HMCN2: variants seen among roughly 807,000 people sequenced by gnomAD.
HMCN2 encodes the protein hemicentin 2.
A neutral mutation model predicts 377.5 loss-of-function variants in HMCN2; 325 were observed. The ratio of observed to expected loss-of-function variants is 0.86; its 90% CI spans 0.79 to 0.94. The LOEUF is 0.94. Ranked by LOEUF, HMCN2 falls within the 40% of genes least tolerant of loss-of-function variation. The pLI is 0.00. For missense variants in HMCN2, 4,543 were observed against 4,725.3 expected (o/e 0.96, Z 1.13); for synonymous variants, 2,007 against 2,046.8 (o/e 0.98, Z 0.53).
At chr9:130,318,894 T>TC (rs1320462877) in intron 15 of HMCN2, among the ~76,000 whole-genome samples, 3 of 151,974 alleles carry the variant, frequency 2.0e-5, no homozygotes, top group Non-Finnish European at 2.9e-5. Flanking sequence ...AGACCTATAA[T>TC]CCCCCCCGAC....
At chr9:130,352,431 G>A (rs1839781187) in intron 30 of HMCN2, among the ~76,000 whole-genome samples, 1 of 152,226 alleles carries the variant, frequency 6.6e-6, no homozygotes, top group African/African-American at 2.4e-5. Flanking sequence ...AGCACCAAAC[G>A]GAGCCTTTCC....
At chr9:130,431,205 C>G in intron 95 of HMCN2, 162 bp from the exon 96 acceptor site, 1 of 702,778 alleles carries the variant, frequency 1.4e-6, no homozygotes, top group Non-Finnish European at 2.3e-6. Context: ...AGCACAGGGA[C>G]TCCCCCAACC....
intron 29 of HMCN2, among the ~76,000 whole-genome samples, chr9:130,349,888 CTTTTTT>C (rs760662723): frequency 1.1e-5 from 1 of 91,306 alleles, no homozygotes; most frequent in Non-Finnish European, 2.1e-5. Flanking sequence ...TTAGCCTTTC[CTTTTTT>C]TTTTTTTTTT....
At chr9:130,342,056 T>TAAATAAAA (rs1554947881) in intron 24 of HMCN2, among the ~76,000 whole-genome samples, 1,586 of 148,106 alleles carry the variant, frequency 0.011, 40 homozygotes, top group African/African-American at 0.038. Context: ...AATAAATAAA[T>TAAATAAAA]AAATAAAAGC....
chr9:130,355,066 CA>C (rs895867291), intron 32 of HMCN2, 22 bp downstream of exon 32: 1 of 1,254,416 alleles, frequency 8.0e-7, no homozygotes, highest in African/African-American at 1.5e-5. Flanking sequence ...CCACCCCACT[CA>C]GAGCTGCCTG....
chr9:130,327,127 C>T (rs1163408989), intron 21 of HMCN2, among the ~76,000 whole-genome samples, 183 bp from the exon 22 acceptor site: 1 of 152,064 alleles, frequency 6.6e-6, no homozygotes, highest in African/African-American at 2.4e-5. Context: ...ACCCTGGGAC[C>T]TGAGTCCCAC....
At chr9:130,384,313 T>C (rs6597635) in intron 57 of HMCN2, 60 bp from the exon 58 acceptor site, 1,165,481 of 1,229,022 alleles carry the variant, frequency 0.95, 556,078 homozygotes, top group East Asian at 0.97. Flanking sequence ...TCTTGGGCTC[T>C]GTGCTCCCCT....
At chr9:130,317,380 T>C (rs1837612767) in intron 15 of HMCN2, among the ~76,000 whole-genome samples, 4 of 152,058 alleles carry the variant, frequency 2.6e-5, no homozygotes. Flanking sequence ...GGATGCCAAA[T>C]GGTACCCTTT....
At chr9:130,370,872 G>A in intron 45 of HMCN2, 92 bp from the exon 46 acceptor site, 1 of 763,620 alleles carries the variant, frequency 1.3e-6, no homozygotes, top group Non-Finnish European at 1.6e-6. Context: ...CCAATTGGGT[G>A]GAGTTGGGGG....
intron 39 of HMCN2, among the ~76,000 whole-genome samples, chr9:130,362,627 C>T (rs545162242): frequency 4.6e-5 from 7 of 152,354 alleles, no homozygotes; most frequent in Admixed American, 1.3e-4. Flanking sequence ...CCATGTGTGG[C>T]GAGTGGACAG....
intron 43 of HMCN2, among the ~76,000 whole-genome samples, 158 bp downstream of exon 43, chr9:130,366,153 C>T (rs996301827): frequency 3.9e-5 from 6 of 152,200 alleles, no homozygotes; most frequent in Non-Finnish European, 8.8e-5. Context: ...GGTGCTTCCC[C>T]CAGCTCCTCT....
intron 22 of HMCN2, among the ~76,000 whole-genome samples, chr9:130,331,156 T>TAAA (rs878935592): frequency 2.3e-4 from 32 of 139,348 alleles, no homozygotes; most frequent in Non-Finnish European, 2.5e-4. Flanking sequence ...GACTCTGTCT[T>TAAA]AAAAAAAAAA....
Position 130,365,962 on chromosome 9 carries a change from G to A in HMCN2, c.6592G>A (p.Val2198Ile), listed in dbSNP as rs1468442485. 4.1e-5 allele frequency: 40 copies of A among 985,724 alleles called. No homozygotes were observed. The highest frequency in any genetic ancestry group is 4.7e-5 in the Non-Finnish European group (39 of 829,952). 61.1% of individuals were successfully genotyped at this position (985,724 alleles called of 1,614,324 possible). The change falls in exon 43 of 98, where the codon GTC becomes ATC. Residue 2198 changes from valine to isoleucine, a missense_variant. Physicochemically the swap from Val to Ile is conservative, Grantham distance 29. Coordinates refer to ENST00000683500, the MANE Select transcript of HMCN2 (RefSeq NM_001291815.2). ...PTRLSCECRG[V>I]PFPKISWRKD... ...CAGGCTGTCCTGCGAATGCCGGGGTGTCCCCTTCCCCAAGATCTCCTGGAG... is the reference window on the plus strand; with the variant it reads ...CAGGCTGTCCTGCGAATGCCGGGGTATCCCCTTCCCCAAGATCTCCTGGAG...
intron 25 of HMCN2, among the ~76,000 whole-genome samples, chr9:130,345,401 CTGTG>C (rs1474299390): frequency 5.2e-5 from 5 of 96,172 alleles, no homozygotes; most frequent in Admixed American, 1.0e-4. Context: ...TGTGTGTGTG[CTGTG>C]TGTGTATGTT....
At chr9:130,415,817 G>T (rs1351233092) in intron 85 of HMCN2, among the ~76,000 whole-genome samples, 1 of 152,130 alleles carries the variant, frequency 6.6e-6, no homozygotes, top group Non-Finnish European at 1.5e-5. Context: ...TGCTGGCTGG[G>T]TCCCTGCTCT....
intron 95 of HMCN2, chr9:130,431,152 G>T (rs980003250): frequency 1.7e-5 from 10 of 593,894 alleles, no homozygotes; most frequent in African/African-American, 7.4e-5. Context: ...TCTATGCCTT[G>T]GTGAGCACGG....
intron 89 of HMCN2, 86 bp from the exon 90 acceptor site, chr9:130,425,601 A>G (rs878946472): frequency 2.1e-6 from 2 of 967,792 alleles, no homozygotes; most frequent in Admixed American, 2.1e-5. Flanking sequence ...TTGAAATCTC[A>G]GCATTTTCCT....
rs1397563076 is a variant in HMCN2, at chr9:130,399,563, G to A, written c.11536G>A (p.Ala3846Thr). 7.8e-7 allele frequency: 1 copy of A among 1,289,524 alleles called. No homozygotes were observed. Among genetic ancestry groups the A allele is most frequent in the Non-Finnish European group, 1.0e-6 (1 of 988,720 alleles). 79.9% of individuals were successfully genotyped at this position (1,289,524 alleles called of 1,614,324 possible). A position where few individuals can be genotyped will look rare whatever the true frequency, so the allele number is the denominator to read the frequency against. The stretch of plus-strand genomic sequence containing the variant: ...CACGGCCCCCGGCCCCCAGGACTCA[G>A]CCCAGTTTGAATGCGTGGTGAGCAA... ...LLTAPGPQDS[A>T]QFECVVSNEV... The change falls in exon 76 of 98, where the codon GCC (alanine) becomes ACC (threonine). Residue 3846 changes from alanine (A) to threonine (T), a missense_variant. This residue lies in a region of HMCN2 where 1,073 missense variants were observed against 1,319.5 expected (regional missense o/e 0.81). Transcript: ENST00000683500.
At position 130,425,130 on chromosome 9, in the gene HMCN2, G is replaced by A. The variant is rs1844252022; in HGVS notation, c.13641G>A (p.Gln4547=). 6.5e-7 allele frequency: 1 copy of A among 1,546,980 alleles called. No homozygotes were observed. The highest frequency in any genetic ancestry group is 1.4e-5 in the African/African-American group (1 of 73,066). ...TGGCTGACGCAGATCTTCAAGTGCAGGTCGGGGGTCAAGCCCTGGGGTGTG... is the reference window on the plus strand; with the variant it reads ...TGGCTGACGCAGATCTTCAAGTGCAAGTCGGGGGTCAAGCCCTGGGGTGTG... The part of the protein sequence containing the change: ...ESLADADLQV[Q]DFEEHYVQTG... Residue 4547 remains glutamine (Q), a splice_region_variant and synonymous_variant, in exon 89 of 98, where the codon CAG becomes CAA. Transcript: ENST00000683500.
Sources: gnomAD v4.1 joint callset for allele counts (sites outside exome capture counted in the v4.1 genomes callset) on GRCh38, gnomAD v4.1.1 for gene constraint, gnomAD v4.1.1 regional missense constraint, MANE v1.5 for transcripts, NCBI Gene and HGNC (gene_info 2026-07-23, HGNC 2026-07-21) for gene names.